CHD2: variants seen among roughly 807,000 people sequenced by gnomAD.
The protein encoded by CHD2 is ATP-dependent chromatin remodeler CHD2.
CHD2 carries 28 observed loss-of-function variants against 243.9 expected under a neutral mutation model. The ratio of observed to expected loss-of-function variants is 0.11; its 90% CI spans 0.09 to 0.16. The LOEUF (loss-of-function observed/expected upper bound fraction) is 0.16. CHD2 is among the 10% of genes least tolerant of loss of function. CHD2 has a pLI of 1.00. For missense variants in CHD2, 1,386 were observed against 2,209.8 expected, an observed-to-expected ratio of 0.63 and a Z score of 7.47; for synonymous variants, 775 against 779.0, an observed-to-expected ratio of 0.99 and a Z score of 0.09.
chr15:92,934,915 G>C (rs2053237809), intron 5 of CHD2, among the ~76,000 whole-genome samples: 1 of 152,164 alleles, frequency 6.6e-6, no homozygotes, highest in Non-Finnish European at 1.5e-5. Flanking sequence ...ATTGAAAGTA[G>C]CAGGGCTGAG....
chr15:92,984,622 T>G, intron 25 of CHD2, 122 bp downstream of exon 25: 1 of 833,740 alleles, frequency 1.2e-6, no homozygotes, highest in Non-Finnish European at 1.7e-6. Context: ...AGGAGCAGAG[T>G]TGATACTGTA....
chr15:92,905,008 G>C (rs1194170517), intron 2 of CHD2: 4 of 1,535,530 alleles, frequency 2.6e-6, no homozygotes, highest in South Asian at 2.4e-5. Context: ...GAAAAACTCA[G>C]GTCAGTATGT....
chr15:92,991,161 T>G (rs776013142), intron 26 of CHD2, among the ~76,000 whole-genome samples: 1 of 152,236 alleles, frequency 6.6e-6, no homozygotes. Flanking sequence ...CAGTGAAGTC[T>G]ATAAACTTGT....
intron 38 of CHD2, chr15:93,021,333 T>C (rs2054532930): frequency 6.6e-6 from 1 of 152,222 alleles, no homozygotes; most frequent in African/African-American, 2.4e-5. Flanking sequence ...GATTATGATG[T>C]GCCTTGGTGT....
chr15:93,001,748 C>G (rs754827441), intron 32 of CHD2, among the ~76,000 whole-genome samples: 11 of 152,104 alleles, frequency 7.2e-5, no homozygotes, highest in Non-Finnish European at 1.5e-4. Flanking sequence ...AACTCCTGAC[C>G]TCAGGTGACA....
chr15:93,018,410 A>G (rs1285201042), intron 37 of CHD2, among the ~76,000 whole-genome samples: 1 of 152,208 alleles, frequency 6.6e-6, no homozygotes, highest in Non-Finnish European at 1.5e-5. Flanking sequence ...AAAAGCTGGA[A>G]GGCCAGTAAA....
At chr15:92,972,221 T>C in intron 18 of CHD2, 44 bp from the exon 19 acceptor site, 1 of 1,580,860 alleles carries the variant, frequency 6.3e-7, no homozygotes. Flanking sequence ...AAGATTAAAA[T>C]TTGTGTTTCA....
chr15:92,903,054 G>A (rs962583132), intron 2 of CHD2, among the ~76,000 whole-genome samples: 1 of 152,162 alleles, frequency 6.6e-6, no homozygotes, highest in Non-Finnish European at 1.5e-5. Context: ...AGTATACTTT[G>A]AATCATATAC....
chr15:92,922,804 C>T (rs2052983643), intron 2 of CHD2, among the ~76,000 whole-genome samples: 1 of 152,132 alleles, frequency 6.6e-6, no homozygotes, highest in African/African-American at 2.4e-5. Context: ...GAGTATCTTC[C>T]CCTCTACCAG....
At chr15:92,980,959 TGA>T in intron 23 of CHD2, 48 bp downstream of exon 23, 1 of 1,272,876 alleles carries the variant, frequency 7.9e-7, no homozygotes, top group Non-Finnish European at 1.1e-6. Context: ...GTATGATCTG[TGA>T]GAGTCTAACT....
At chr15:93,006,106 T>C (rs2054317445) in intron 34 of CHD2, among the ~76,000 whole-genome samples, 1 of 151,602 alleles carries the variant, frequency 6.6e-6, no homozygotes, top group South Asian at 2.1e-4. Context: ...AACCTATGCT[T>C]TTTCTGTCTC....
At chr15:92,982,417 G>T (rs28634714) in intron 24 of CHD2, among the ~76,000 whole-genome samples, 2 of 152,196 alleles carry the variant, frequency 1.3e-5, no homozygotes, top group East Asian at 3.8e-4. Context: ...ATACAGCTTT[G>T]CCGTGGAGCC....
At position 93,009,129 on chromosome 15, in the gene CHD2, T is replaced by C. The variant is rs2054359216; in HGVS notation, c.4414-16T>C. On this transcript the variant is annotated splice_polypyrimidine_tract_variant and intron_variant, in intron 34 of 38. Transcript: ENST00000394196. ...CTGCAGATTGTTTATGTCTTTACTC[T>C]GTTGTCCTGTTGCAGTGTAAGGAGA... 2 of 1,613,298 alleles carry C rather than the reference T, an allele frequency of 1.2e-6. No homozygotes were observed. The highest frequency in any genetic ancestry group is 2.7e-5 in the African/African-American group (2 of 74,904).
chr15:92,995,745 T>C (rs1390583324), intron 28 of CHD2, among the ~76,000 whole-genome samples: 2 of 152,204 alleles, frequency 1.3e-5, no homozygotes, highest in Non-Finnish European at 2.9e-5. Flanking sequence ...ATTTCATATC[T>C]CTGCCAGCAT....
chr15:92,967,582 A>G lies in CHD2; in HGVS notation c.2189+69A>G, dbSNP rs1596415749. ...ACCATGAAACTATTAGATAGGAGAT[A>G]TATATATATACTTTTGTTTTTTTTT... On this transcript the variant is annotated intron_variant, in intron 17 of 38. Coordinates refer to ENST00000394196, the MANE Select transcript of CHD2 (RefSeq NM_001271.4). The G allele has an allele frequency of 3.6e-6, 4 of 1,103,890 alleles. No homozygotes were observed. The East Asian group carries it at 7.8e-5, about 22-fold the overall frequency. 68.4% of individuals were successfully genotyped at this position (1,103,890 alleles called of 1,614,324 possible). A position where few individuals can be genotyped will look rare whatever the true frequency, so the allele number is the denominator to read the frequency against.
intron 35 of CHD2, 26 bp from the exon 36 acceptor site, chr15:93,012,318 AC>A (rs1411942635): frequency 6.6e-7 from 1 of 1,517,090 alleles, no homozygotes; most frequent in Non-Finnish European, 9.0e-7. Context: ...TCTATAATTC[AC>A]CAGAACTGTT....
intron 2 of CHD2, among the ~76,000 whole-genome samples, chr15:92,918,561 T>C (rs2052886287): frequency 6.6e-6 from 1 of 152,176 alleles, no homozygotes. Context: ...TACTTTGTTA[T>C]TTAGGTGAAG....
At chr15:92,962,036 C>T (rs565657017) in intron 16 of CHD2, among the ~76,000 whole-genome samples, 1 of 151,978 alleles carries the variant, frequency 6.6e-6, no homozygotes, top group African/African-American at 2.4e-5. Flanking sequence ...CACCTGCCAC[C>T]ACGCTTGGCT....
intron 37 of CHD2, among the ~76,000 whole-genome samples, chr15:93,017,772 T>C (rs1382828703): frequency 6.6e-6 from 1 of 152,214 alleles, no homozygotes; most frequent in African/African-American, 2.4e-5. Context: ...AGTTCAAAAT[T>C]ATTTCATCAC....
Sources: gnomAD v4.1 joint callset for allele counts (sites outside exome capture counted in the v4.1 genomes callset) on GRCh38, gnomAD v4.1.1 for gene constraint, MANE v1.5 for transcripts, NCBI Gene and HGNC (gene_info 2026-07-23, HGNC 2026-07-21) for gene names.